SLC35D4: variants seen among roughly 807,000 people sequenced by gnomAD.
SLC35D4 encodes the protein solute carrier family 35 member D4.
the SLC35D4 span, among the ~76,000 whole-genome samples, chr18:23,416,835 G>A: frequency 1.0e-2 from 1,520 of 152,354 alleles, 11 homozygotes; most frequent in Non-Finnish European, 0.016. Flanking sequence ...TCAAGTCCAA[G>A]GGACAAATGT....
At chr18:23,252,509 C>CTGTT in the SLC35D4 span, among the ~76,000 whole-genome samples, 1 of 152,184 alleles carries the variant, frequency 6.6e-6, no homozygotes, top group Non-Finnish European at 1.5e-5. Flanking sequence ...GGCACTGTTA[C>CTGTT]TGTTTTTTGT....
the SLC35D4 span, among the ~76,000 whole-genome samples, chr18:23,270,447 G>A: frequency 6.6e-6 from 1 of 152,216 alleles, no homozygotes; most frequent in Non-Finnish European, 1.5e-5. Context: ...TGGGGTTGGA[G>A]CCCCCACACA....
the SLC35D4 span, among the ~76,000 whole-genome samples, chr18:23,276,989 A>G: frequency 6.6e-6 from 1 of 152,222 alleles, no homozygotes; most frequent in Non-Finnish European, 1.5e-5. Flanking sequence ...TAATGCTGCA[A>G]ATCGAACCAC....
chr18:23,250,146 C>A, the SLC35D4 span, among the ~76,000 whole-genome samples: 1 of 152,214 alleles, frequency 6.6e-6, no homozygotes, highest in East Asian at 1.9e-4. Flanking sequence ...ACAGGCACTT[C>A]AACAGAACCC....
the SLC35D4 span, among the ~76,000 whole-genome samples, chr18:23,367,093 C>G: frequency 6.6e-6 from 1 of 152,166 alleles, no homozygotes; most frequent in Non-Finnish European, 1.5e-5. Context: ...TATGAGGGGT[C>G]TCTTGCCATC....
chr18:23,266,928 A>C, the SLC35D4 span, among the ~76,000 whole-genome samples: 2 of 152,186 alleles, frequency 1.3e-5, no homozygotes, highest in Non-Finnish European at 2.9e-5. Flanking sequence ...TTCGCTGATG[A>C]GGGGCTGGTG....
At chr18:23,295,398 AAAGT>A in the SLC35D4 span, among the ~76,000 whole-genome samples, 1 of 152,098 alleles carries the variant, frequency 6.6e-6, no homozygotes, top group African/African-American at 2.4e-5. Context: ...GAGACTCTTC[AAAGT>A]GAGAAGGTAT....
At chr18:23,368,780 A>C in the SLC35D4 span, 1 of 1,403,846 alleles carries the variant, frequency 7.1e-7, no homozygotes, top group Non-Finnish European at 9.9e-7. Flanking sequence ...AAAAAGATAA[A>C]TGAAGTAGCA....
chr18:23,331,530 C>T, the SLC35D4 span: 1 of 152,284 alleles, frequency 6.6e-6, no homozygotes, highest in South Asian at 2.1e-4. Context: ...GCTCTGCTTT[C>T]TGAGCGCCGC....
the SLC35D4 span, among the ~76,000 whole-genome samples, chr18:23,275,592 G>GGTA: frequency 0.025 from 3,615 of 142,926 alleles, 58 homozygotes; most frequent in Middle Eastern, 0.054. Context: ...GGGTCAGAAA[G>GGTA]AGTGCTGTGC....
chr18:23,405,916 G>T, the SLC35D4 span, among the ~76,000 whole-genome samples: 2 of 152,210 alleles, frequency 1.3e-5, no homozygotes, highest in African/African-American at 4.8e-5. Context: ...TGACAACTGA[G>T]ATTTCCATAC....
chr18:23,311,445 T>C, the SLC35D4 span, among the ~76,000 whole-genome samples: 2 of 151,912 alleles, frequency 1.3e-5, no homozygotes, highest in Non-Finnish European at 2.9e-5. Context: ...GCATCTATGG[T>C]CATAAATGAA....
chr18:23,240,738 A>T, the SLC35D4 span, among the ~76,000 whole-genome samples: 58 of 152,290 alleles, frequency 3.8e-4, no homozygotes, highest in African/African-American at 1.4e-3. Context: ...GGGCAGTCCA[A>T]TGTGGCCAGC....
At chr18:23,343,391 G>A in the SLC35D4 span, among the ~76,000 whole-genome samples, 8 of 151,744 alleles carry the variant, frequency 5.3e-5, no homozygotes, top group African/African-American at 7.3e-5. Flanking sequence ...ACAGGCATGC[G>A]CCACCACATC....
the SLC35D4 span, among the ~76,000 whole-genome samples, chr18:23,403,546 T>C: frequency 7.2e-5 from 11 of 152,248 alleles, no homozygotes; most frequent in East Asian, 2.1e-3. Flanking sequence ...CTTGAGAAGA[T>C]GGAGGAATAA....
the SLC35D4 span, among the ~76,000 whole-genome samples, chr18:23,431,277 G>T: frequency 6.6e-6 from 1 of 151,942 alleles, no homozygotes; most frequent in Non-Finnish European, 1.5e-5. Context: ...CTGGCATCAT[G>T]AGCAAACATG....
the SLC35D4 span, among the ~76,000 whole-genome samples, chr18:23,332,921 T>A: frequency 6.6e-6 from 1 of 152,216 alleles, no homozygotes; most frequent in Admixed American, 6.5e-5. Context: ...ATGAGATTCT[T>A]ACCCAGGTCT....
At chr18:23,242,609 T>A in the SLC35D4 span, among the ~76,000 whole-genome samples, 1 of 152,210 alleles carries the variant, frequency 6.6e-6, no homozygotes, top group Non-Finnish European at 1.5e-5. Flanking sequence ...AGAGCTGAGA[T>A]AATGCCAACA....
chr18:23,332,922 A>T, the SLC35D4 span, among the ~76,000 whole-genome samples: 1 of 152,172 alleles, frequency 6.6e-6, no homozygotes, highest in Admixed American at 6.5e-5. Context: ...TGAGATTCTT[A>T]CCCAGGTCTT....
Sources: gnomAD v4.1 joint callset for allele counts (sites outside exome capture counted in the v4.1 genomes callset) on GRCh38, gnomAD v4.1.1 for gene constraint, MANE v1.5 for transcripts, NCBI Gene and HGNC (gene_info 2026-07-23, HGNC 2026-07-21) for gene names.